The following GRM1 variants were observed in gnomAD, a reference collection of about 807,000 sequenced individuals.
The protein encoded by GRM1 is glutamate metabotropic receptor 1, also known as metabotropic glutamate receptor 1.
In GRM1, 33 loss-of-function variants were observed where a neutral mutation model predicts 90.9. That is an observed-to-expected ratio of 0.36 (90% CI 0.28 to 0.49). GRM1 has a LOEUF of 0.49. GRM1 is among the 20% of genes least tolerant of loss of function. The probability of loss-of-function intolerance (pLI) is 0.99; values close to 1 mark genes in which losing one functional copy is unlikely to be tolerated. For synonymous variants in GRM1, 700 were observed against 613.2 expected (o/e 1.14, Z -2.09); for missense variants, 1,190 against 1,534.3 (o/e 0.78, Z 3.75).
At chr6:146,387,647 A>G (rs1776556763) in intron 6 of GRM1, among the ~76,000 whole-genome samples, 1 of 152,142 alleles carries the variant, frequency 6.6e-6, no homozygotes, top group South Asian at 2.1e-4. Context: ...GAAACATGAA[A>G]GTTTATGACA....
rs1776032615 is a variant in GRM1, at chr6:146,374,780, A to T, written c.1603-12110A>T. Among the ~76,000 whole-genome samples, 2 of 151,836 alleles carry T rather than the reference A, an allele frequency of 1.3e-5. 1 individual carries two copies. The highest frequency in any genetic ancestry group is 4.1e-4 in the South Asian group (2 of 4,824). On this transcript the variant is annotated intron_variant, in intron 5 of 7. Coordinates refer to ENST00000282753, the MANE Select transcript of GRM1 (RefSeq NM_001278064.2). The stretch of plus-strand genomic sequence containing the variant: ...TCTCTTTTTTTGTTAGTTTGACTAA[A>T]GTTTTTCAACTCTGTTAACTTTTCA...
At chr6:146,255,911 T>C (rs151099889) in intron 2 of GRM1, among the ~76,000 whole-genome samples, 16 of 152,294 alleles carry the variant, frequency 1.1e-4, no homozygotes, top group Non-Finnish European at 2.2e-4. Context: ...CTTCCCTGAG[T>C]CTCTCATGAC....
chr6:146,426,594 G>A (rs1212859023), intron 7 of GRM1: 1 of 1,611,572 alleles, frequency 6.2e-7, no homozygotes, highest in Non-Finnish European at 8.5e-7. Flanking sequence ...ACCAGCCAAT[G>A]TCCGTCGGCA....
intron 2 of GRM1, among the ~76,000 whole-genome samples, chr6:146,179,265 C>T (rs1259364028): frequency 6.6e-6 from 1 of 152,132 alleles, no homozygotes; most frequent in Non-Finnish European, 1.5e-5. Flanking sequence ...AAATGCCATG[C>T]CCCCGCTGGA....
chr6:146,396,985 C>G (rs1476374217), intron 6 of GRM1, among the ~76,000 whole-genome samples: 1 of 152,010 alleles, frequency 6.6e-6, no homozygotes, highest in Non-Finnish European at 1.5e-5. Flanking sequence ...TAAAATTAGC[C>G]AGAGTGAGAA....
chr6:146,408,679 A>C (rs78754820), intron 7 of GRM1, among the ~76,000 whole-genome samples: 5 of 152,206 alleles, frequency 3.3e-5, no homozygotes, highest in Non-Finnish European at 7.3e-5. Context: ...GCTATAAAAA[A>C]TAGAGGAGCT....
intron 7 of GRM1, among the ~76,000 whole-genome samples, chr6:146,426,375 G>A (rs978832511): frequency 1.3e-5 from 2 of 152,092 alleles, no homozygotes; most frequent in Non-Finnish European, 2.9e-5. Flanking sequence ...CACTGACAGG[G>A]TTTTAAGAAA....
intron 1 of GRM1, among the ~76,000 whole-genome samples, chr6:146,055,188 C>G (rs1336896977): frequency 6.6e-6 from 1 of 151,858 alleles, no homozygotes; most frequent in African/African-American, 2.4e-5. Flanking sequence ...CAGAATTATG[C>G]CATACTTTTT....
chr6:146,148,814 T>TTG (rs1281864244), intron 1 of GRM1, among the ~76,000 whole-genome samples: 2 of 151,750 alleles, frequency 1.3e-5, no homozygotes, highest in African/African-American at 2.4e-5. Flanking sequence ...GAGCGTGTGT[T>TTG]TGTGTGTGTG....
intron 2 of GRM1, chr6:146,171,402 C>G (rs1201687345): frequency 6.3e-6 from 1 of 157,884 alleles, no homozygotes; most frequent in African/African-American, 2.4e-5. Flanking sequence ...ATGGCCATGT[C>G]CAGTCAAGGA....
intron 3 of GRM1, among the ~76,000 whole-genome samples, chr6:146,309,348 G>A (rs543291651): frequency 1.1e-4 from 16 of 151,572 alleles, no homozygotes; most frequent in African/African-American, 2.7e-4. Context: ...GCAGTGAGCC[G>A]AGATCGCGCC....
At chr6:146,064,945 G>C (rs1206664568) in intron 1 of GRM1, among the ~76,000 whole-genome samples, 2 of 150,864 alleles carry the variant, frequency 1.3e-5, no homozygotes, top group Non-Finnish European at 2.9e-5. Flanking sequence ...ATGGCAGTTT[G>C]CACACTGTTT....
At chr6:146,328,848 C>T (rs1784489476) in intron 3 of GRM1, among the ~76,000 whole-genome samples, 2 of 152,150 alleles carry the variant, frequency 1.3e-5, no homozygotes, top group Admixed American at 6.6e-5. Flanking sequence ...TCTCTATCTT[C>T]ATTTGATCCT....
At chr6:146,102,024 C>T (rs1479237406) in intron 1 of GRM1, among the ~76,000 whole-genome samples, 1 of 152,022 alleles carries the variant, frequency 6.6e-6, no homozygotes, top group Non-Finnish European at 1.5e-5. Flanking sequence ...AGAGTAAGTT[C>T]TACAGGGAAG....
intron 2 of GRM1, among the ~76,000 whole-genome samples, chr6:146,293,945 A>G (rs1040054091): frequency 1.3e-5 from 2 of 151,326 alleles, no homozygotes; most frequent in Non-Finnish European, 3.0e-5. Flanking sequence ...ATCTGAAGTT[A>G]CATTATATTT....
In GRM1 at chr6:146,320,952, T is replaced by C. The variant is rs181410872; in HGVS notation, c.1186+16106T>C. ...ATTCACTGATTTTTTTTTTAAGGAT[T>C]TTTCATGTCGCTATCTCCTTCAGTT... On this transcript the variant is annotated intron_variant, in intron 3 of 7. Transcript: ENST00000282753. 5.6e-4 allele frequency among the ~76,000 whole-genome samples: 85 copies of C among 152,274 alleles called. 1 individual carries two copies. Among genetic ancestry groups the C allele is most frequent in the African/African-American group, 2.0e-3 (83 of 41,554 alleles).
rs778743909 is a variant in GRM1, at chr6:146,434,551, G to T, written c.3340G>T (p.Glu1114Ter). 14 of 1,614,130 alleles carry T rather than the reference G, an allele frequency of 8.7e-6. No individual in the cohort carries two copies. Among genetic ancestry groups the T allele is most frequent in the Non-Finnish European group, 1.2e-5 (14 of 1,180,022 alleles). ...KLLQEYVYEH[E>*]REGNTEEDEL... Reference sequence around the variant, plus strand: ...CCTCCAGGAGTACGTGTATGAGCACGAGCGGGAAGGGAACACGGAAGAAGA... The same window carrying T: ...CCTCCAGGAGTACGTGTATGAGCACTAGCGGGAAGGGAACACGGAAGAAGA... Residue 1114 changes from glutamate (E) to a stop codon, truncating the protein, a stop_gained, in exon 8 of 8, where the codon GAG becomes TAG. Coordinates refer to ENST00000282753, the MANE Select transcript of GRM1 (RefSeq NM_001278064.2). LOFTEE classifies it high-confidence loss of function.
At chr6:146,305,940 G>T (rs1783564169) in intron 3 of GRM1, among the ~76,000 whole-genome samples, 6 of 152,142 alleles carry the variant, frequency 3.9e-5, no homozygotes, top group Admixed American at 3.9e-4. Context: ...AGTTTTTGCA[G>T]GGGATGGTAA....
At chr6:146,316,393 T>C (rs1308567126) in intron 3 of GRM1, among the ~76,000 whole-genome samples, 2 of 152,174 alleles carry the variant, frequency 1.3e-5, no homozygotes, top group Non-Finnish European at 2.9e-5. Flanking sequence ...ATTCGCAAAG[T>C]CTCTTTTACC....
Sources: allele counts gnomAD v4.1 joint callset (sites outside exome capture counted in the v4.1 genomes callset), GRCh38; gene constraint gnomAD v4.1.1; transcripts MANE v1.5; gene names NCBI Gene and HGNC (gene_info 2026-07-23, HGNC 2026-07-21).